The following PLEKHM3 variants were observed in gnomAD, a reference collection of about 807,000 sequenced individuals.
PLEKHM3 encodes pleckstrin homology domain containing M3.
A neutral mutation model predicts 81.8 loss-of-function variants in PLEKHM3; 45 were observed. That is an observed-to-expected ratio of 0.55 (90% CI 0.43 to 0.71). The LOEUF is 0.71. Ranked by LOEUF, PLEKHM3 falls within the 30% of genes least tolerant of loss-of-function variation. The pLI is 0.00. For missense variants in PLEKHM3, 788 were observed against 924.3 expected (o/e 0.85, Z 1.91); for synonymous variants, 352 against 356.4 (o/e 0.99, Z 0.14).
At position 208,017,885 on chromosome 2, in the gene PLEKHM3, C is replaced by T. The variant is rs575222603; in HGVS notation, c.-319+7504G>A. Among the ~76,000 whole-genome samples the T allele has an allele frequency of 5.3e-5, 8 of 152,336 alleles. No individual in the cohort carries two copies. In the South Asian group the frequency reaches 1.0e-3, roughly 20 times the overall value. On this transcript the variant is annotated intron_variant, in intron 1 of 7. Transcript: ENST00000427836. ...CTGCTCTCATGAATTCACAGATGCT[C>T]TCTCCTGGTATTTCTCCTTCAACTC...
chr2:207,923,907 T>TA (rs1689292624), intron 5 of PLEKHM3, among the ~76,000 whole-genome samples: 37 of 66,074 alleles, frequency 5.6e-4, no homozygotes, highest in African/African-American at 3.0e-3. Context: ...ATATATATAT[T>TA]TTTTTTTTTT....
rs552014878 is a variant in PLEKHM3 at position 207,822,958 on chromosome 2, G to C, written c.*5361C>G. On this transcript the variant is annotated 3_prime_UTR_variant, in exon 8 of 8. Coordinates refer to ENST00000427836, the MANE Select transcript of PLEKHM3 (RefSeq NM_001080475.3). ...CTCTGGGCTGGGGCTCAGAACTAGG[G>C]GCAAGGAAGATCCAGGGAAAAGAGA... is the stretch of plus-strand genomic sequence containing the variant. 6.6e-6 allele frequency: 1 copy of C among 152,446 alleles called. No individual in the cohort carries two copies. The highest frequency in any genetic ancestry group is 1.9e-4 in the East Asian group (1 of 5,178). 9.4% of individuals were successfully genotyped at this position (152,446 alleles called of 1,614,324 possible).
In PLEKHM3 at chr2:207,821,960, T is replaced by A. The variant is rs2092220320; in HGVS notation, c.*6359A>T. On this transcript the variant is annotated 3_prime_UTR_variant, in exon 8 of 8. Transcript: ENST00000427836. ...AAAATATATATCTTCTAGGGTAGGC[T>A]AGTAGCTATTCACAGTAAGATTCTA... 6.6e-6 allele frequency: 1 copy of A among 152,216 alleles called. No individual in the cohort carries two copies. Among genetic ancestry groups the A allele is most frequent in the Admixed American group, 6.5e-5 (1 of 15,280 alleles). The allele number at this position is 152,216 out of a possible 1,614,324, so 9.4% of individuals were successfully genotyped here.
At chr2:207,900,987 A>G in intron 6 of PLEKHM3, 1 of 438,362 alleles carries the variant, frequency 2.3e-6, no homozygotes, top group Non-Finnish European at 4.1e-6. Context: ...CTGCATGCCA[A>G]GGGACTCCCA....
intron 5 of PLEKHM3, among the ~76,000 whole-genome samples, chr2:207,909,376 T>C (rs917805237): frequency 2.0e-5 from 3 of 152,188 alleles, no homozygotes; most frequent in East Asian, 1.9e-4. Flanking sequence ...TCCATGATAC[T>C]AACATTTTTC....
chr2:207,839,964 G>T (rs958786001), intron 7 of PLEKHM3, among the ~76,000 whole-genome samples: 17 of 151,930 alleles, frequency 1.1e-4, no homozygotes, highest in African/African-American at 3.6e-4. Context: ...CTAATTATTG[G>T]GTCTCCCTCT....
chr2:207,931,755 T>C (rs1689606063), intron 4 of PLEKHM3, among the ~76,000 whole-genome samples: 1 of 152,192 alleles, frequency 6.6e-6, no homozygotes, highest in Non-Finnish European at 1.5e-5. Flanking sequence ...GGCAGATCAC[T>C]TGAGGTCAGG....
rs1019635832 is a variant in PLEKHM3 at position 207,843,962 on chromosome 2, A to G, written c.2109-15466T>C. Among the ~76,000 whole-genome samples the G allele has an allele frequency of 6.6e-6, 1 of 151,974 alleles. No homozygotes were observed. Among genetic ancestry groups the G allele is most frequent in the African/African-American group, 2.4e-5 (1 of 41,392 alleles). ...ACCAAGCATGGTGGCGTGCATCTGT[A>G]GTCCCAGTTACCTGGGAGGCTGAGG... On this transcript the variant is annotated intron_variant, in intron 7 of 7. Transcript: ENST00000427836. This position sits in a 1 kb window ranked among gnomAD's most constrained non-coding sequence, Gnocchi z 4.4.
chr2:207,962,390 G>A (rs1450760981), intron 3 of PLEKHM3, among the ~76,000 whole-genome samples: 2 of 152,188 alleles, frequency 1.3e-5, no homozygotes, highest in Admixed American at 6.5e-5. Flanking sequence ...CAGACAGAGG[G>A]CACAGAAGTG....
intron 7 of PLEKHM3, among the ~76,000 whole-genome samples, chr2:207,840,118 C>A (rs1250517573): frequency 6.6e-6 from 1 of 152,160 alleles, no homozygotes; most frequent in Non-Finnish European, 1.5e-5. Flanking sequence ...TCTTATTTTT[C>A]ATATAATATA....
intron 2 of PLEKHM3, among the ~76,000 whole-genome samples, chr2:207,997,007 C>CAA (rs10654114): frequency 0.02 from 2,930 of 145,952 alleles, 86 homozygotes; most frequent in African/African-American, 0.064. Context: ...ACTTTATGTC[C>CAA]AAAAAAAAAA....
chr2:207,859,038 G>T (rs2092452099), intron 7 of PLEKHM3, among the ~76,000 whole-genome samples: 1 of 151,830 alleles, frequency 6.6e-6, no homozygotes, highest in South Asian at 2.1e-4. Flanking sequence ...TATATAAATA[G>T]AATCATGTAA....
chr2:207,976,801 G>A lies in PLEKHM3; in HGVS notation c.1396C>T (p.Gln466Ter), dbSNP rs1559265662. The change falls in exon 3 of 8, where the codon CAA (glutamine) becomes TAA (stop). Residue 466 changes from glutamine to a stop codon, truncating the protein, a stop_gained. Transcript: ENST00000427836. LOFTEE classifies it high-confidence loss of function. The surrounding 1 kb of genome is among the most constrained non-coding windows in gnomAD (Gnocchi z 4.1). Reference protein sequence around the residue: ...NVARSSEQNLQVTLRNKPKDQ... With the variant: ...NVARSSEQNL ...TTGGGTTTGTTCCTCAGTGTGACTT[G>A]CAGGTTTTGCTCTGAACTCCTCGCC... The A allele has an allele frequency of 6.2e-7, 1 of 1,614,216 alleles. No individual in the cohort carries two copies. The highest frequency in any genetic ancestry group is 8.5e-7 in the Non-Finnish European group (1 of 1,180,042).
chr2:207,910,234 A>G (rs1239937166), intron 5 of PLEKHM3, among the ~76,000 whole-genome samples: 1 of 152,218 alleles, frequency 6.6e-6, no homozygotes, highest in East Asian at 1.9e-4. Context: ...GGGCATAGGA[A>G]AAGTACTCAA....
chr2:207,871,770 A>G (rs567368284), intron 6 of PLEKHM3, among the ~76,000 whole-genome samples: 5 of 152,308 alleles, frequency 3.3e-5, no homozygotes, highest in African/African-American at 1.2e-4. Context: ...TCTGAGCTCA[A>G]AACAGGTTAT....
At position 207,824,551 on chromosome 2, in the gene PLEKHM3, G is replaced by C. The variant is rs974468922; in HGVS notation, c.*3768C>G. ...TCTGCAGAAAATGTTCAGTGTGCGT[G>C]GCATCGTGCTAGTCCCACCTGGATA... On this transcript the variant is annotated 3_prime_UTR_variant, in exon 8 of 8. Coordinates refer to ENST00000427836, the MANE Select transcript of PLEKHM3 (RefSeq NM_001080475.3). 1 of 152,234 alleles carries C rather than the reference G, an allele frequency of 6.6e-6. No homozygotes were observed. Among genetic ancestry groups the C allele is most frequent in the African/African-American group, 2.4e-5 (1 of 41,456 alleles). The allele number at this position is 152,234 out of a possible 1,614,324, so 9.4% of individuals were successfully genotyped here. A position where few individuals can be genotyped will look rare whatever the true frequency, so the allele number is the denominator to read the frequency against.
rs953469805 is a variant in PLEKHM3, at chr2:207,823,005, G to C, written c.*5314C>G. The C allele has an allele frequency of 6.6e-6, 1 of 152,308 alleles. No homozygotes were observed. Among genetic ancestry groups the C allele is most frequent in the South Asian group, 2.1e-4 (1 of 4,826 alleles). 9.4% of individuals were successfully genotyped at this position (152,308 alleles called of 1,614,324 possible). A position where few individuals can be genotyped will look rare whatever the true frequency, so the allele number is the denominator to read the frequency against. ...GAGAGAGGCTGGTTTGCAGCTTCAC[G>C]GCCAATAGGAGGGAGCCCTCCTAAG... On this transcript the variant is annotated 3_prime_UTR_variant, in exon 8 of 8. Coordinates refer to ENST00000427836, the MANE Select transcript of PLEKHM3 (RefSeq NM_001080475.3).
intron 2 of PLEKHM3, among the ~76,000 whole-genome samples, chr2:207,992,729 GA>G (rs147057534): frequency 0.092 from 13,698 of 148,170 alleles, 860 homozygotes; most frequent in Non-Finnish European, 0.14. Context: ...TGAAAGGGAA[GA>G]AAAAAAAAAG....
At chr2:207,912,854 A>G (rs1049918358) in intron 5 of PLEKHM3, among the ~76,000 whole-genome samples, 4 of 152,220 alleles carry the variant, frequency 2.6e-5, no homozygotes, top group Non-Finnish European at 1.5e-5. Flanking sequence ...CCCCTAAGGC[A>G]GACTGAATTT....
Sources: gnomAD v4.1 joint callset for allele counts (sites outside exome capture counted in the v4.1 genomes callset) on GRCh38, gnomAD v4.1.1 for gene constraint, Gnocchi (gnomAD v3.1) non-coding constraint, MANE v1.5 for transcripts, NCBI Gene and HGNC (gene_info 2026-07-23, HGNC 2026-07-21) for gene names.